Variants in RIMS2 observed in about 807,000 individuals in gnomAD.
RIMS2 encodes regulating synaptic membrane exocytosis 2, also known as regulating synaptic membrane exocytosis protein 2.
A neutral mutation model predicts 174.4 loss-of-function variants in RIMS2; 59 were observed. The ratio of observed to expected loss-of-function variants is 0.34; its 90% CI spans 0.27 to 0.42. The LOEUF is 0.42. Ranked by LOEUF, RIMS2 falls within the 10% of genes least tolerant of loss-of-function variation. The probability of loss-of-function intolerance (pLI) is 1.00; values close to 1 mark genes in which losing one functional copy is unlikely to be tolerated. For synonymous variants in RIMS2, 606 were observed against 572.5 expected (o/e 1.06, Z -0.84); for missense variants, 1,620 against 1,666.3 (o/e 0.97, Z 0.48).
intron 19 of RIMS2, among the ~76,000 whole-genome samples, chr8:104,120,776 C>T (rs572841616): frequency 1.3e-4 from 20 of 152,178 alleles, no homozygotes; most frequent in African/African-American, 4.3e-4. Flanking sequence ...TTAGGAGTAT[C>T]ACATTATTCC....
chr8:103,902,486 C>T (rs2073363381), intron 4 of RIMS2, among the ~76,000 whole-genome samples: 1 of 152,066 alleles, frequency 6.6e-6, no homozygotes, highest in South Asian at 2.1e-4. Flanking sequence ...GCACAGTGTC[C>T]AACAGTTTTC....
At chr8:104,140,435 T>C (rs2098556290) in intron 19 of RIMS2, among the ~76,000 whole-genome samples, 1 of 152,144 alleles carries the variant, frequency 6.6e-6, no homozygotes, top group South Asian at 2.1e-4. Context: ...TTTGTACCCC[T>C]AAAGCACGTG....
chr8:103,725,448 T>C (rs1476580459), intron 2 of RIMS2, among the ~76,000 whole-genome samples: 1 of 152,204 alleles, frequency 6.6e-6, no homozygotes, highest in Non-Finnish European at 1.5e-5. Context: ...ATAGGTAGAT[T>C]TGCCTGTTTT....
chr8:103,641,744 C>T (rs2096236176), intron 1 of RIMS2, among the ~76,000 whole-genome samples: 1 of 151,910 alleles, frequency 6.6e-6, no homozygotes, highest in South Asian at 2.1e-4. Context: ...TTAAAAAGAG[C>T]CTGGCATCTC....
chr8:104,137,297 G>T (rs987035142), intron 19 of RIMS2, among the ~76,000 whole-genome samples: 6 of 152,088 alleles, frequency 3.9e-5, no homozygotes, highest in Non-Finnish European at 1.5e-5. Flanking sequence ...AATAATTAGA[G>T]TCAACGTATC....
chr8:103,731,200 A>G (rs149894665), intron 2 of RIMS2, among the ~76,000 whole-genome samples: 1,560 of 152,294 alleles, frequency 0.01, 31 homozygotes, highest in African/African-American at 0.036. Context: ...GTGGGGACAC[A>G]GCCAAACCAT....
At position 104,072,091 on chromosome 8, in the gene RIMS2, C is replaced by T. The variant is rs2097206506; in HGVS notation, c.3334+57476C>T. On this transcript the variant is annotated intron_variant, in intron 19 of 23. Transcript: ENST00000504942. ...TTTTTAAGGGGTTCCAAAATACAAC[C>T]CTATTTTGTACCACAACAAAGCATT... Among the ~76,000 whole-genome samples the T allele has an allele frequency of 2.0e-5, 3 of 152,078 alleles. No individual in the cohort carries two copies. The South Asian group carries it at 6.2e-4, about 32-fold the overall frequency.
chr8:103,900,922 G>C (rs2099324841), intron 4 of RIMS2, among the ~76,000 whole-genome samples: 1 of 151,996 alleles, frequency 6.6e-6, no homozygotes, highest in Admixed American at 6.6e-5. Context: ...TTTTTGTTTT[G>C]ATTATATAGA....
At chr8:104,010,015 C>T (rs55961538) in intron 17 of RIMS2, among the ~76,000 whole-genome samples, 19,374 of 150,424 alleles carry the variant, frequency 0.13, 1,702 homozygotes, top group Non-Finnish European at 0.19. Flanking sequence ...GATGGATGGA[C>T]GGACGGATGG....
At chr8:104,031,755 A>G (rs1300299034) in intron 19 of RIMS2, among the ~76,000 whole-genome samples, 1 of 152,108 alleles carries the variant, frequency 6.6e-6, no homozygotes, top group Non-Finnish European at 1.5e-5. Flanking sequence ...AAAAAGAAAC[A>G]CCAGTCTGAG....
chr8:103,955,128 A>T (rs1015867505), intron 14 of RIMS2, among the ~76,000 whole-genome samples: 4 of 152,212 alleles, frequency 2.6e-5, no homozygotes, highest in Admixed American at 1.3e-4. Flanking sequence ...AATCAAAAAA[A>T]GTCCAGGACC....
At chr8:104,158,966 T>G (rs894102981) in intron 19 of RIMS2, among the ~76,000 whole-genome samples, 1 of 152,194 alleles carries the variant, frequency 6.6e-6, no homozygotes, top group African/African-American at 2.4e-5. Flanking sequence ...ATGAAGTCTT[T>G]GCCCATGCCT....
intron 2 of RIMS2, among the ~76,000 whole-genome samples, chr8:103,715,313 G>A (rs2097354612): frequency 6.6e-6 from 1 of 152,016 alleles, no homozygotes; most frequent in Non-Finnish European, 1.5e-5. Flanking sequence ...GATGCTTTAC[G>A]TCCCCAACCC....
intron 1 of RIMS2, among the ~76,000 whole-genome samples, chr8:103,627,709 GAAAGTAA>G (rs1302893668): frequency 6.6e-6 from 1 of 152,166 alleles, no homozygotes; most frequent in Non-Finnish European, 1.5e-5. Flanking sequence ...AGTTCATCAA[GAAAGTAA>G]AAAGAGGGAT....
intron 19 of RIMS2, among the ~76,000 whole-genome samples, chr8:104,151,603 T>C (rs1222217040): frequency 1.3e-5 from 2 of 151,466 alleles, no homozygotes; most frequent in African/African-American, 2.4e-5. Flanking sequence ...AAAAGAGATG[T>C]TGGGGAAAGA....
At chr8:104,234,359 G>C (rs1231827081) in intron 19 of RIMS2, among the ~76,000 whole-genome samples, 1 of 151,712 alleles carries the variant, frequency 6.6e-6, no homozygotes, top group Admixed American at 6.6e-5. Flanking sequence ...CCATTCTTGA[G>C]ACAGAAACAG....
intron 3 of RIMS2, among the ~76,000 whole-genome samples, chr8:103,786,486 G>T (rs983829793): frequency 6.6e-6 from 1 of 151,936 alleles, no homozygotes; most frequent in Non-Finnish European, 1.5e-5. Flanking sequence ...GTTCTCGTTG[G>T]TTTCAAAGAA....
chr8:103,589,379 TATC>T (rs1215428464), intron 1 of RIMS2, among the ~76,000 whole-genome samples: 1 of 151,612 alleles, frequency 6.6e-6, no homozygotes, highest in Non-Finnish European at 1.5e-5. Context: ...TATAGTGAGA[TATC>T]ATCTCACTCC....
intron 3 of RIMS2, among the ~76,000 whole-genome samples, chr8:103,866,663 C>T (rs773164053): frequency 2.6e-5 from 4 of 152,014 alleles, no homozygotes; most frequent in Admixed American, 1.3e-4. Context: ...TTTGGATTAA[C>T]GTTGTCTTTG....
Sources: gnomAD v4.1 joint callset for allele counts (sites outside exome capture counted in the v4.1 genomes callset) on GRCh38, gnomAD v4.1.1 for gene constraint, MANE v1.5 for transcripts, NCBI Gene and HGNC (gene_info 2026-07-23, HGNC 2026-07-21) for gene names.